The following SGCD variants were observed in gnomAD, a reference collection of about 807,000 sequenced individuals.
SGCD encodes the protein sarcoglycan delta, also known as delta-sarcoglycan.
A neutral mutation model predicts 36.6 loss-of-function variants in SGCD; 18 were observed. The observed-to-expected ratio is 0.49, with a 90% CI of 0.34 to 0.73. SGCD has a LOEUF of 0.73. Among genes scored for constraint, SGCD ranks in the 30% least tolerant of loss-of-function variants. The pLI is 0.01. For missense variants in SGCD, 387 were observed against 346.7 expected (o/e 1.12, Z -0.92); for synonymous variants, 133 against 130.6 (o/e 1.02, Z -0.12).
chr5:156,755,448 T>G (rs1021545682), intron 7 of SGCD, among the ~76,000 whole-genome samples: 1 of 152,030 alleles, frequency 6.6e-6, no homozygotes. Flanking sequence ...ACACAGAGAA[T>G]GGCAAAAAAA....
At chr5:156,122,277 C>G (rs575834607) in intron 2 of SGCD, among the ~76,000 whole-genome samples, 1 of 152,256 alleles carries the variant, frequency 6.6e-6, no homozygotes, top group Middle Eastern at 3.4e-3. Context: ...GCTGGAGACA[C>G]AGCAGAATAC....
chr5:155,893,497 G>A lies in SGCD; in HGVS notation c.-282+23073G>A, dbSNP rs545213653. On this transcript the variant is annotated intron_variant, in intron 1 of 9. Coordinates refer to the SGCD transcript ENST00000517913. ...TTATCTGAATACTTAGCCTTATATA[G>A]TTGAATTATATAAATGGTTGAGTAA... Among the ~76,000 whole-genome samples the A allele has an allele frequency of 3.3e-5, 5 of 152,280 alleles. No homozygotes were observed. In the South Asian group the frequency reaches 1.0e-3, roughly 32 times the overall value.
At chr5:156,682,901 CT>C (rs1753775996) in intron 7 of SGCD, among the ~76,000 whole-genome samples, 1 of 152,208 alleles carries the variant, frequency 6.6e-6, no homozygotes, top group Non-Finnish European at 1.5e-5. Flanking sequence ...TTAAGCAAAG[CT>C]GATGCCAGCA....
chr5:156,177,532 T>C (rs1581149041), intron 3 of SGCD, among the ~76,000 whole-genome samples: 1 of 152,218 alleles, frequency 6.6e-6, no homozygotes, highest in East Asian at 1.9e-4. Context: ...CTGAGGGTCC[T>C]GTGCATCTCG....
chr5:156,748,722 A>G (rs1757036934), intron 7 of SGCD, among the ~76,000 whole-genome samples: 1 of 152,244 alleles, frequency 6.6e-6, no homozygotes, highest in African/African-American at 2.4e-5. Flanking sequence ...ATATGGCACC[A>G]ACAACTGAAG....
At chr5:156,649,875 T>TA in intron 7 of SGCD, among the ~76,000 whole-genome samples, 1 of 152,262 alleles carries the variant, frequency 6.6e-6, no homozygotes, top group East Asian at 1.9e-4. Context: ...AATTTTTTTT[T>TA]TAAAAAGCAG....
rs1050287067 is a variant in SGCD at position 156,766,892 on chromosome 5, A to G, written c.*7502A>G. 1 of 152,224 alleles carries G rather than the reference A, an allele frequency of 6.6e-6. No individual in the cohort carries two copies. The highest frequency in any genetic ancestry group is 6.5e-5 in the Admixed American group (1 of 15,288). The allele number at this position is 152,224 out of a possible 1,614,324, so 9.4% of individuals were successfully genotyped here. A position where few individuals can be genotyped will look rare whatever the true frequency, so the allele number is the denominator to read the frequency against. On this transcript the variant is annotated 3_prime_UTR_variant, in exon 9 of 9. Coordinates refer to ENST00000337851, the MANE Select transcript of SGCD (RefSeq NM_000337.6). ...TCCCTCTCTGATGTGCTTTTTCCAC[A>G]ACACATATCTGGTCCTCTGGCAGGA...
At chr5:156,420,379 G>A (rs772967152) in intron 3 of SGCD, among the ~76,000 whole-genome samples, 3 of 151,918 alleles carry the variant, frequency 2.0e-5, no homozygotes, top group East Asian at 1.9e-4. Context: ...AAGCATGAGG[G>A]AAGTACAAAA....
chr5:156,762,291 T>G lies in SGCD; in HGVS notation c.*2901T>G, dbSNP rs1757513429. On this transcript the variant is annotated 3_prime_UTR_variant, in exon 9 of 9. Coordinates refer to ENST00000337851, the MANE Select transcript of SGCD (RefSeq NM_000337.6). ...ACTAGAAGTTCTAGTAGGTTAATAT[T>G]GTTCAGAAGATTTTTACAAATTAAA... is the stretch of plus-strand genomic sequence containing the variant. 6.6e-6 allele frequency: 1 copy of G among 152,644 alleles called. No individual in the cohort carries two copies. The highest frequency in any genetic ancestry group is 1.5e-5 in the Non-Finnish European group (1 of 68,048). The allele number at this position is 152,644 out of a possible 1,614,324, so 9.5% of individuals were successfully genotyped here.
intron 1 of SGCD, among the ~76,000 whole-genome samples, chr5:155,922,343 A>G (rs1294503263): frequency 6.6e-6 from 1 of 152,102 alleles, no homozygotes; most frequent in Non-Finnish European, 1.5e-5. Flanking sequence ...GACAGTGAAC[A>G]ACGTGGCAGG....
chr5:156,328,795 G>A (rs1006819746), intron 1 of SGCD, among the ~76,000 whole-genome samples: 1 of 152,042 alleles, frequency 6.6e-6, no homozygotes, highest in African/African-American at 2.4e-5. Flanking sequence ...TGCAGGGCTT[G>A]AGGAAAGGAA....
chr5:156,290,204 G>A (rs182995566), intron 3 of SGCD, among the ~76,000 whole-genome samples: 1 of 152,120 alleles, frequency 6.6e-6, no homozygotes, highest in Admixed American at 6.6e-5. Flanking sequence ...TTTTACAGTT[G>A]AGAACACTGA....
At chr5:155,783,589 A>G in the SGCD span, among the ~76,000 whole-genome samples, 2 of 151,806 alleles carry the variant, frequency 1.3e-5, no homozygotes, top group South Asian at 2.1e-4. Context: ...AGTATTCTGT[A>G]TTTGTCATAG....
At chr5:156,706,358 ACT>A (rs1271697266) in intron 7 of SGCD, among the ~76,000 whole-genome samples, 1 of 152,032 alleles carries the variant, frequency 6.6e-6, no homozygotes, top group East Asian at 1.9e-4. Flanking sequence ...CTCCACATAC[ACT>A]GTTATCTGCC....
intron 3 of SGCD, among the ~76,000 whole-genome samples, chr5:156,444,056 T>TTCTCTCCTTCTCTCTCTCTC (rs1753621737): frequency 1.4e-5 from 1 of 69,076 alleles, no homozygotes; most frequent in Non-Finnish European, 3.2e-5. Context: ...TGGAGACTCT[T>TTCTCTCCTTCTCTCTCTCTC]TCTCTCCTTC....
At chr5:155,962,974 C>T (rs933231480) in intron 1 of SGCD, among the ~76,000 whole-genome samples, 3 of 152,086 alleles carry the variant, frequency 2.0e-5, no homozygotes, top group South Asian at 2.1e-4. Context: ...TTTTGAGGCA[C>T]AAAAGAAAAT....
At chr5:156,341,733 G>T (rs971410689) in intron 2 of SGCD, among the ~76,000 whole-genome samples, 1 of 152,036 alleles carries the variant, frequency 6.6e-6, no homozygotes, top group Non-Finnish European at 1.5e-5. Context: ...TTTTTGAGAC[G>T]AAGTCTTCAC....
intron 2 of SGCD, among the ~76,000 whole-genome samples, chr5:156,338,504 A>C (rs927550337): frequency 1.3e-5 from 2 of 152,214 alleles, no homozygotes; most frequent in African/African-American, 4.8e-5. Flanking sequence ...TGTAGGAAGG[A>C]AAGTCAGCAT....
intron 3 of SGCD, among the ~76,000 whole-genome samples, chr5:156,481,122 T>A (rs1040188999): frequency 1.3e-5 from 2 of 152,190 alleles, no homozygotes; most frequent in African/African-American, 4.8e-5. Context: ...ATTGGTATAA[T>A]TAATACGGTA....
Sources: gnomAD v4.1 joint callset for allele counts (sites outside exome capture counted in the v4.1 genomes callset) on GRCh38, gnomAD v4.1.1 for gene constraint, MANE v1.5 for transcripts, NCBI Gene and HGNC (gene_info 2026-07-23, HGNC 2026-07-21) for gene names.